ACKR3: variants seen among roughly 807,000 people sequenced by gnomAD.
The protein encoded by ACKR3 is atypical chemokine receptor 3, also known as C-X-C chemokine receptor type 7.
Under a neutral mutation model 22.4 loss-of-function variants are expected in ACKR3, and 6 were observed. The observed-to-expected ratio is 0.27, with a 90% CI of 0.15 to 0.53. ACKR3 has a LOEUF of 0.53. Ranked by LOEUF, ACKR3 falls within the 20% of genes least tolerant of loss-of-function variation. The probability of loss-of-function intolerance (pLI) is 0.96; values close to 1 mark genes in which losing one functional copy is unlikely to be tolerated. For synonymous variants in ACKR3, 209 were observed against 205.2 expected (o/e 1.02, Z -0.16); for missense variants, 396 against 475.2 (o/e 0.83, Z 1.55).
chr2:236,539,935 T>C, the ACKR3 span, among the ~76,000 whole-genome samples: 1 of 152,184 alleles, frequency 6.6e-6, no homozygotes, highest in Non-Finnish European at 1.5e-5. Flanking sequence ...TGAGATTTAT[T>C]CACTACCATG....
At chr2:236,562,759 G>A in the ACKR3 span, among the ~76,000 whole-genome samples, 5 of 152,162 alleles carry the variant, frequency 3.3e-5, no homozygotes, top group African/African-American at 4.8e-5. Flanking sequence ...GGCTCTTCTC[G>A]TCCAGCAGTG....
At chr2:236,547,462 C>A in the ACKR3 span, among the ~76,000 whole-genome samples, 1 of 152,284 alleles carries the variant, frequency 6.6e-6, no homozygotes, top group African/African-American at 2.4e-5. Context: ...GATTTACCGA[C>A]AAGCAGATTA....
the ACKR3 span, among the ~76,000 whole-genome samples, chr2:236,539,305 TC>T: frequency 7.4e-4 from 105 of 142,522 alleles, no homozygotes; most frequent in Non-Finnish European, 1.3e-3. Context: ...ATTTTTCTTT[TC>T]TTTTTTTTTT....
chr2:236,545,043 C>A, the ACKR3 span, among the ~76,000 whole-genome samples: 1 of 152,134 alleles, frequency 6.6e-6, no homozygotes, highest in Admixed American at 6.5e-5. The surrounding 1 kb of genome is among the most constrained non-coding windows in gnomAD (Gnocchi z 5.3). Context: ...AGACACATGG[C>A]CCCCAAGGAG....
At chr2:236,564,666 T>A (rs2106493710), upstream of ACKR3, among the ~76,000 whole-genome samples, 1 of 152,052 alleles carries the variant, frequency 6.6e-6, no homozygotes, top group Middle Eastern at 3.4e-3. Context: ...TAGGGTCTAC[T>A]TTTAAGACTT....
chr2:236,580,962 T>C lies in ACKR3; in HGVS notation c.497T>C (p.Ile166Thr). 6.2e-7 allele frequency: 1 copy of C among 1,614,184 alleles called. No individual in the cohort carries two copies. Among genetic ancestry groups the C allele is most frequent in the South Asian group, 1.1e-5 (1 of 91,078 alleles). The stretch of plus-strand genomic sequence containing the variant: ...AAGATGGTACGCCGTGTCGTCTGCA[T>C]CCTGGTGTGGCTGCTGGCCTTCTGC... ...RKKMVRRVVCILVWLLAFCVS... is the reference protein window; with the variant it reads ...RKKMVRRVVCTLVWLLAFCVS... The change falls in exon 2 of 2, where the codon ATC becomes ACC. Residue 166 changes from isoleucine (I) to threonine (T), a missense_variant. Physicochemically the swap from Ile to Thr is moderately conservative, Grantham distance 89. Transcript: ENST00000272928.
In ACKR3 at chr2:236,582,211, A is replaced by G. The variant is rs1368587808; in HGVS notation, c.*657A>G. On this transcript the variant is annotated 3_prime_UTR_variant, in exon 2 of 2. Transcript: ENST00000272928. ...CTTTGTAATGCAGTTTGTGACATTA[A>G]TAGTATTGTAAAGTTACATTTTAAA... The G allele has an allele frequency of 1.2e-5, 2 of 167,058 alleles. No individual in the cohort carries two copies. The highest frequency in any genetic ancestry group is 2.9e-5 in the Non-Finnish European group (2 of 68,110). 10.3% of individuals were successfully genotyped at this position (167,058 alleles called of 1,614,324 possible).
Position 236,581,004 on chromosome 2 carries a change from C to T in ACKR3, c.539C>T (p.Thr180Ile). Residue 180 changes from threonine to isoleucine, a missense_variant, in exon 2 of 2, where the codon ACC (threonine) becomes ATC (isoleucine). Coordinates refer to ENST00000272928, the MANE Select transcript of ACKR3 (RefSeq NM_020311.3). The surrounding 1 kb of genome is among the most constrained non-coding windows in gnomAD (Gnocchi z 4.4). The part of the protein sequence containing the change: ...LLAFCVSLPD[T>I]YYLKTVTSAS... Reference sequence around the variant, plus strand: ...GCCTTCTGCGTGTCTCTGCCTGACACCTACTACCTGAAGACCGTCACGTCT... The same window carrying T: ...GCCTTCTGCGTGTCTCTGCCTGACATCTACTACCTGAAGACCGTCACGTCT... 2 of 1,614,170 alleles carry T rather than the reference C, an allele frequency of 1.2e-6. No homozygotes were observed. Among genetic ancestry groups the T allele is most frequent in the Non-Finnish European group, 1.7e-6 (2 of 1,180,044 alleles).
Position 236,581,339 on chromosome 2 carries a change from G to T in ACKR3, c.874G>T (p.Ala292Ser). The change falls in exon 2 of 2, where the codon GCC becomes TCC. Residue 292 changes from alanine to serine, a missense_variant. By Grantham distance (99) the Ala-to-Ser change is moderately conservative. Coordinates refer to ENST00000272928, the MANE Select transcript of ACKR3 (RefSeq NM_020311.3). The surrounding 1 kb of genome is among the most constrained non-coding windows in gnomAD (Gnocchi z 4.4). ...CCCTTTCACCTGCCGGCTGGAGCAC[G>T]CCCTCTTCACGGCCCTGCATGTCAC... The part of the protein sequence containing the change: ...YIPFTCRLEH[A>S]LFTALHVTQC... 1 of 1,613,868 alleles carries T rather than the reference G, an allele frequency of 6.2e-7. No homozygotes were observed. Among genetic ancestry groups the T allele is most frequent in the Non-Finnish European group, 8.5e-7 (1 of 1,179,948 alleles).
upstream of ACKR3, among the ~76,000 whole-genome samples, chr2:236,565,422 C>G (rs541696822): frequency 7.2e-5 from 11 of 152,248 alleles, no homozygotes; most frequent in African/African-American, 2.4e-4. Context: ...GTGAAAGATG[C>G]CCTCCCTAGA....
chr2:236,551,187 C>A, the ACKR3 span, among the ~76,000 whole-genome samples: 3 of 152,198 alleles, frequency 2.0e-5, no homozygotes, highest in Non-Finnish European at 4.4e-5. Flanking sequence ...AAGCTTGGTG[C>A]CTCTTCTCCC....
upstream of ACKR3, among the ~76,000 whole-genome samples, chr2:236,568,481 T>C (rs1691235998): frequency 6.6e-6 from 1 of 152,180 alleles, no homozygotes; most frequent in South Asian, 2.1e-4. Flanking sequence ...GGAGATGTCC[T>C]TGGTGCCGAT....
chr2:236,566,314 A>G (rs2106494676), upstream of ACKR3, among the ~76,000 whole-genome samples: 1 of 152,300 alleles, frequency 6.6e-6, no homozygotes, highest in East Asian at 1.9e-4. Context: ...GTAGCAAAAC[A>G]TCCAGGAACT....
chr2:236,571,423 C>T (rs1309841580), intron 1 of ACKR3, among the ~76,000 whole-genome samples: 2 of 152,126 alleles, frequency 1.3e-5, no homozygotes, highest in Admixed American at 6.5e-5. Flanking sequence ...CAGCTTTTCT[C>T]TTTTAAGGGG....
chr2:236,558,891 C>T, the ACKR3 span, among the ~76,000 whole-genome samples: 1 of 152,144 alleles, frequency 6.6e-6, no homozygotes, highest in Non-Finnish European at 1.5e-5. Flanking sequence ...CCATGATCAA[C>T]CCAAATAATT....
the ACKR3 span, among the ~76,000 whole-genome samples, chr2:236,539,014 T>A: frequency 1.3e-5 from 2 of 152,200 alleles, no homozygotes; most frequent in South Asian, 2.1e-4. Context: ...GTAGCTGGAA[T>A]GATGCAGTAT....
At chr2:236,571,356 A>C (rs1574972850) in intron 1 of ACKR3, among the ~76,000 whole-genome samples, 1 of 152,176 alleles carries the variant, frequency 6.6e-6, no homozygotes, top group African/African-American at 2.4e-5. Context: ...AAAGCTGCCC[A>C]GGATGGGGGT....
At chr2:236,569,522 G>T (rs530608261), upstream of ACKR3, 1 of 152,234 alleles carries the variant, frequency 6.6e-6, no homozygotes. Context: ...TGATGATTTT[G>T]CCAAGCACTA....
rs1342876391 is a variant in ACKR3, at chr2:236,577,300, G to A, written c.-26-3140G>A. ...GAGAAGCAAGGACAGAGGCGAGGAC[G>A]GCTGAGCGGGGAAGTGCCTATCTCA... On this transcript the variant is annotated intron_variant, in intron 1 of 1. Transcript: ENST00000272928. The surrounding 1 kb of genome is among the most constrained non-coding windows in gnomAD (Gnocchi z 5.6). Among the ~76,000 whole-genome samples the A allele has an allele frequency of 6.6e-6, 1 of 152,188 alleles. No homozygotes were observed. The highest frequency in any genetic ancestry group is 6.5e-5 in the Admixed American group (1 of 15,284).
Sources: gnomAD v4.1 joint callset for allele counts (sites outside exome capture counted in the v4.1 genomes callset) on GRCh38, gnomAD v4.1.1 for gene constraint, Gnocchi (gnomAD v3.1) non-coding constraint, MANE v1.5 for transcripts, NCBI Gene and HGNC (gene_info 2026-07-23, HGNC 2026-07-21) for gene names.